THSD4: variants seen among roughly 807,000 people sequenced by gnomAD.
THSD4 encodes thrombospondin type 1 domain containing 4.
Under a neutral mutation model 119.0 loss-of-function variants are expected in THSD4, and 69 were observed. The ratio of observed to expected loss-of-function variants is 0.58; its 90% CI spans 0.48 to 0.71. The LOEUF (loss-of-function observed/expected upper bound fraction) is 0.71. THSD4 is among the 30% of genes least tolerant of loss of function. The pLI, the probability that THSD4 is intolerant of heterozygous loss-of-function variation, is 0.00. For synonymous variants in THSD4, 524 were observed against 540.4 expected (o/e 0.97, Z 0.42); for missense variants, 1,393 against 1,391.1 (o/e 1.00, Z -0.02).
At chr15:71,178,527 G>T (rs1380335996) in intron 3 of THSD4, among the ~76,000 whole-genome samples, 2 of 11,284 alleles carry the variant, frequency 1.8e-4, no homozygotes, top group East Asian at 3.5e-3. Flanking sequence ...CATGCTCATG[G>T]ATAGGAAGAA....
chr15:71,362,721 C>T (rs1418603722), intron 6 of THSD4, among the ~76,000 whole-genome samples: 1 of 152,078 alleles, frequency 6.6e-6, no homozygotes. Context: ...GAGTTACTGC[C>T]GACAGTGAGT....
intron 8 of THSD4, among the ~76,000 whole-genome samples, chr15:71,671,695 T>C (rs553959016): frequency 3.3e-5 from 5 of 152,360 alleles, no homozygotes; most frequent in East Asian, 1.9e-4. Context: ...TTCAGCTTTC[T>C]ACATATGGCT....
chr15:71,537,406 A>C (rs1043669500), intron 7 of THSD4, among the ~76,000 whole-genome samples: 1 of 152,118 alleles, frequency 6.6e-6, no homozygotes, highest in Non-Finnish European at 1.5e-5. Context: ...TCCTCAGCCC[A>C]TCTGATACTG....
chr15:71,228,325 G>A (rs1264929469), intron 4 of THSD4, among the ~76,000 whole-genome samples: 2 of 152,098 alleles, frequency 1.3e-5, no homozygotes, highest in Admixed American at 6.5e-5. Context: ...GCTGGCGGCC[G>A]CCAGAAGCTG....
intron 8 of THSD4, among the ~76,000 whole-genome samples, chr15:71,693,735 T>A (rs2052102996): frequency 6.6e-6 from 1 of 152,126 alleles, no homozygotes; most frequent in African/African-American, 2.4e-5. Flanking sequence ...GCTGTTCTCA[T>A]GGTAATGAAC....
At chr15:71,608,240 A>ATG (rs2050150595) in intron 7 of THSD4, among the ~76,000 whole-genome samples, 1 of 81,918 alleles carries the variant, frequency 1.2e-5, no homozygotes, top group Non-Finnish European at 2.8e-5. Flanking sequence ...AAAAAAAAAT[A>ATG]TATATATATA....
At chr15:71,242,160 A>C (rs1423910152) in intron 4 of THSD4, among the ~76,000 whole-genome samples, 1 of 152,176 alleles carries the variant, frequency 6.6e-6, no homozygotes, top group Non-Finnish European at 1.5e-5. Flanking sequence ...AAGCTCTTTG[A>C]GTATGAATAG....
intron 15 of THSD4, among the ~76,000 whole-genome samples, chr15:71,760,609 C>T (rs985350512): frequency 6.6e-6 from 1 of 152,160 alleles, no homozygotes; most frequent in East Asian, 1.9e-4. Flanking sequence ...TGTCTTAGTT[C>T]CGGGGAGATC....
At chr15:71,603,406 C>G (rs998624759) in intron 7 of THSD4, among the ~76,000 whole-genome samples, 37 of 152,320 alleles carry the variant, frequency 2.4e-4, no homozygotes, top group African/African-American at 8.9e-4. Flanking sequence ...CGTGGCTCCA[C>G]CCCGTTCTCC....
intron 3 of THSD4, among the ~76,000 whole-genome samples, chr15:71,177,811 C>T (rs1197207014): frequency 2.0e-5 from 3 of 149,016 alleles, no homozygotes; most frequent in Non-Finnish European, 4.4e-5. Context: ...GGGCTTCATC[C>T]CTGGGATGCA....
chr15:71,662,711 C>T (rs929944692), intron 8 of THSD4, among the ~76,000 whole-genome samples: 1 of 151,966 alleles, frequency 6.6e-6, no homozygotes, highest in Non-Finnish European at 1.5e-5. Flanking sequence ...AGGAAGCTCT[C>T]GGAGGCTTGT....
At chr15:71,141,867 G>A (rs560091845) in intron 2 of THSD4, among the ~76,000 whole-genome samples, 2 of 152,128 alleles carry the variant, frequency 1.3e-5, no homozygotes, top group Non-Finnish European at 1.5e-5. Context: ...ATTTTGGGAG[G>A]CTGAGGCAGG....
intron 7 of THSD4, among the ~76,000 whole-genome samples, chr15:71,417,332 C>T (rs62017885): frequency 0.2 from 20,848 of 106,494 alleles, 7,525 homozygotes; most frequent in East Asian, 0.43. Context: ...CAGAGAGTTC[C>T]CCCAATGTTT....
chr15:71,366,446 T>C (rs2045966126), intron 6 of THSD4, among the ~76,000 whole-genome samples: 1 of 152,174 alleles, frequency 6.6e-6, no homozygotes, highest in South Asian at 2.1e-4. Flanking sequence ...CTCCACTGGA[T>C]TGGCCTGGAA....
At chr15:71,499,585 C>A (rs2048080967) in intron 7 of THSD4, among the ~76,000 whole-genome samples, 1 of 151,626 alleles carries the variant, frequency 6.6e-6, no homozygotes, top group South Asian at 2.1e-4. Context: ...ATGCACATTG[C>A]AATGTAAAAG....
At chr15:71,469,653 T>G (rs1444246903) in intron 7 of THSD4, among the ~76,000 whole-genome samples, 1 of 152,178 alleles carries the variant, frequency 6.6e-6, no homozygotes, top group Non-Finnish European at 1.5e-5. Flanking sequence ...TCAACACATC[T>G]GCATCAAATA....
At chr15:71,332,104 A>G (rs2045428416) in intron 6 of THSD4, among the ~76,000 whole-genome samples, 1 of 152,124 alleles carries the variant, frequency 6.6e-6, no homozygotes, top group African/African-American at 2.4e-5. Context: ...CCTGCAGCCA[A>G]ACTCAGCTGT....
At chr15:71,743,677 CTG>C (rs1314855269) in intron 11 of THSD4, among the ~76,000 whole-genome samples, 1 of 152,200 alleles carries the variant, frequency 6.6e-6, no homozygotes, top group Non-Finnish European at 1.5e-5. Flanking sequence ...TATAGCCACA[CTG>C]TAAATTTTTA....
intron 7 of THSD4, among the ~76,000 whole-genome samples, chr15:71,657,255 C>A (rs1274213927): frequency 6.6e-6 from 1 of 152,166 alleles, no homozygotes; most frequent in Non-Finnish European, 1.5e-5. Flanking sequence ...AGTCACTCAA[C>A]AATATCAGTG....
Sources: gnomAD v4.1 joint callset for allele counts (sites outside exome capture counted in the v4.1 genomes callset) on GRCh38, gnomAD v4.1.1 for gene constraint, MANE v1.5 for transcripts, NCBI Gene and HGNC (gene_info 2026-07-23, HGNC 2026-07-21) for gene names.